The following ATAT1 variants were observed in gnomAD, a reference collection of about 807,000 sequenced individuals.
The protein encoded by ATAT1 is alpha-tubulin N-acetyltransferase 1.
Under a neutral mutation model 57.2 loss-of-function variants are expected in ATAT1, and 42 were observed. The observed-to-expected ratio is 0.73, with a 90% CI of 0.57 to 0.95. The LOEUF is 0.95. Ranked by LOEUF, ATAT1 falls within the 40% of genes least tolerant of loss-of-function variation. ATAT1 has a pLI of 0.00. For missense variants in ATAT1, 454 were observed against 523.7 expected (o/e 0.87, Z 1.30); for synonymous variants, 168 against 187.1 (o/e 0.90, Z 0.83).
chr6:30,628,901 CT>C (rs78380830), intron 6 of ATAT1, among the ~76,000 whole-genome samples: 1,766 of 136,636 alleles, frequency 0.013, 13 homozygotes, highest in African/African-American at 0.027. Context: ...CCGCATCTGA[CT>C]TTTTTTTTTT....
chr6:30,627,070 T>G lies in ATAT1; in HGVS notation c.-134T>G. On this transcript the variant is annotated 5_prime_UTR_variant, in exon 1 of 13. Coordinates refer to ENST00000330083, the MANE Select transcript of ATAT1 (RefSeq NM_001031722.4). ...CTGGTCCAGGCACCACGCCCCCTTC[T>G]CACTGACTAGTGATCGCCCCTTTTG... The G allele has an allele frequency of 6.5e-7, 1 of 1,549,740 alleles. No individual in the cohort carries two copies. Among genetic ancestry groups the G allele is most frequent in the Non-Finnish European group, 8.7e-7 (1 of 1,143,702 alleles).
At chr6:30,630,773 A>G (rs1484855491) in intron 6 of ATAT1, among the ~76,000 whole-genome samples, 1 of 151,982 alleles carries the variant, frequency 6.6e-6, no homozygotes. Context: ...CCCTGTCTCT[A>G]CTAAAAATAT....
Position 30,646,533 on chromosome 6 carries a change from C to G in ATAT1, c.1120C>G (p.Pro374Ala). Residue 374 changes from proline (P) to alanine (A), a missense_variant, in exon 13 of 13, where the codon CCT (proline) becomes GCT (alanine). Physicochemically the swap from Pro to Ala is conservative, Grantham distance 27 (BLOSUM62 -1). Around this residue, in one of 3 missense-constraint regions of ATAT1, gnomAD observed 216 missense variants for 222.2 expected, o/e 0.97. Transcript: ENST00000330083. ...TGGGGAGAAGCCCATGCACACAGCT[C>G]CTCCACAGGCCCCGGCCCCGCCAGC... 6.3e-7 allele frequency: 1 copy of G among 1,591,560 alleles called. No homozygotes were observed. The highest frequency in any genetic ancestry group is 8.6e-7 in the Non-Finnish European group (1 of 1,169,328).
chr6:30,640,501 T>C (rs1765177763), intron 7 of ATAT1, 34 bp from the exon 8 acceptor site: 1 of 1,612,654 alleles, frequency 6.2e-7, no homozygotes, highest in Non-Finnish European at 8.5e-7. Context: ...TGCCGACCCC[T>C]CACTGAGGGG....
At position 30,627,723 on chromosome 6, in the gene ATAT1, C is replaced by A. The variant is rs1275099199; in HGVS notation, c.220C>A (p.Arg74=). 1 of 1,612,418 alleles carries A rather than the reference C, an allele frequency of 6.2e-7. No homozygotes were observed. Among genetic ancestry groups the A allele is most frequent in the Middle Eastern group, 1.7e-4 (1 of 6,060 alleles). The stretch of plus-strand genomic sequence containing the variant: ...TTATATTCTCAAAGACAGTTCAGCC[C>A]GACCGTGAGTGCCACATGCTCTTCC... The change falls in exon 3 of 13, where the codon CGA becomes AGA. Residue 74 remains arginine, a synonymous_variant. Coordinates refer to ENST00000330083, the MANE Select transcript of ATAT1 (RefSeq NM_001031722.4).
rs368761717 is a variant in ATAT1 at position 30,634,275 on chromosome 6, G to A, written c.501+5845G>A. Among the ~76,000 whole-genome samples, 40 of 151,374 alleles carry A rather than the reference G, an allele frequency of 2.6e-4. No individual in the cohort carries two copies. In the East Asian group the frequency reaches 7.2e-3, roughly 27 times the overall value. The stretch of plus-strand genomic sequence containing the variant: ...GGGTCATTTTTTTTTTCTTTGAGAC[G>A]GAGTCTAGCTCTGTCGCCAGGCTCA... On this transcript the variant is annotated intron_variant, in intron 6 of 12. Transcript: ENST00000330083.
At chr6:30,644,169 G>A in intron 10 of ATAT1, 1 of 985,872 alleles carries the variant, frequency 1.0e-6, no homozygotes, top group Non-Finnish European at 1.2e-6. Flanking sequence ...TTTTGTGTAG[G>A]TGTCAGGGAA....
In ATAT1 at chr6:30,627,150, C is replaced by T. The variant is rs1339465672; in HGVS notation, c.-54C>T. On this transcript the variant is annotated 5_prime_UTR_variant, in exon 1 of 13. Transcript: ENST00000330083. ...TGACCCTGGGCCTAGTGGGATTGAT[C>T]AGCGCTTGGATCTGTGACCTTTCAC... 45 of 1,610,116 alleles carry T rather than the reference C, an allele frequency of 2.8e-5. No homozygotes were observed. The highest frequency in any genetic ancestry group is 3.6e-5 in the Non-Finnish European group (42 of 1,178,110).
intron 5 of ATAT1, 73 bp downstream of exon 5, chr6:30,628,218 C>T: frequency 6.5e-7 from 1 of 1,534,692 alleles, no homozygotes; most frequent in Non-Finnish European, 9.0e-7. Context: ...GAAGCCCTGC[C>T]TCCCACCCCC....
At position 30,629,980 on chromosome 6, in the gene ATAT1, T is replaced by C. The variant is rs1762507809; in HGVS notation, c.501+1550T>C. ...ATGCATTCCCTGTCCTCATGGAGCT[T>C]TGGCCTAATATAGGGAAGGAAGTCT... On this transcript the variant is annotated intron_variant, in intron 6 of 12. Coordinates refer to ENST00000330083, the MANE Select transcript of ATAT1 (RefSeq NM_001031722.4). Among the ~76,000 whole-genome samples, 3 of 152,204 alleles carry C rather than the reference T, an allele frequency of 2.0e-5. 1 individual carries two copies. In the South Asian group the frequency reaches 6.2e-4, roughly 31 times the overall value.
At chr6:30,641,333 C>T (rs1014459645) in intron 8 of ATAT1, among the ~76,000 whole-genome samples, 5 of 152,332 alleles carry the variant, frequency 3.3e-5, no homozygotes, top group African/African-American at 1.2e-4. Context: ...GTGTCAGGCA[C>T]TGAGAGGCAC....
rs763881217 is a variant in ATAT1 at position 30,627,654 on chromosome 6, C to T, written c.151C>T (p.Pro51Ser). ...CCTGCAGGCCCAGAATCTTTCCGCT[C>T]CTATCACTAGTGCATCAAGGATGCA... The change falls in exon 3 of 13, where the codon CCT (proline) becomes TCT (serine). Residue 51 changes from proline to serine, a missense_variant. Pro to Ser is a moderately conservative substitution (Grantham distance 74). This residue lies in a region of ATAT1 where 236 missense variants were observed against 284.5 expected (regional missense o/e 0.83). Coordinates refer to ENST00000330083, the MANE Select transcript of ATAT1 (RefSeq NM_001031722.4). 1.2e-6 allele frequency: 2 copies of T among 1,613,034 alleles called. No individual in the cohort carries two copies. The highest frequency in any genetic ancestry group is 2.2e-5 in the South Asian group (2 of 91,080).
At position 30,642,209 on chromosome 6, in the gene ATAT1, A is replaced by G. The variant is rs769242518; in HGVS notation, c.650A>G (p.Glu217Gly). 1.2e-6 allele frequency: 2 copies of G among 1,614,154 alleles called. No homozygotes were observed. The highest frequency in any genetic ancestry group is 2.2e-5 in the South Asian group (2 of 91,084). The change falls in exon 9 of 13, where the codon GAG becomes GGG. Residue 217 changes from glutamate to glycine, a missense_variant. Glu to Gly is a moderately conservative substitution (Grantham distance 98). Around this residue, in one of 3 missense-constraint regions of ATAT1, gnomAD observed 236 missense variants for 284.5 expected, o/e 0.83. Transcript: ENST00000330083. The stretch of plus-strand genomic sequence containing the variant: ...AGGAAGCTGCCACCCAAGAGAGCAG[A>G]GGGAGACATCAAGCCATACTCCTCT...
chr6:30,644,800 T>C (rs533833055), intron 10 of ATAT1: 1 of 240,584 alleles, frequency 4.2e-6, no homozygotes, highest in South Asian at 1.6e-4. Context: ...AGCTCCTGAG[T>C]CTGGTGTCTG....
intron 9 of ATAT1, 70 bp downstream of exon 9, chr6:30,642,317 A>G (rs1765623539): frequency 6.3e-7 from 1 of 1,597,980 alleles, no homozygotes; most frequent in South Asian, 1.1e-5. Context: ...TGCTCAGGGG[A>G]CCCAGGGAAA....
chr6:30,644,421 CTCCTT>C, intron 10 of ATAT1: 3 of 985,922 alleles, frequency 3.0e-6, no homozygotes, highest in Non-Finnish European at 3.6e-6. Flanking sequence ...TCCTTCCTCT[CTCCTT>C]TCCTCCATAG....
intron 12 of ATAT1, 101 bp from the exon 13 acceptor site, chr6:30,646,368 G>A (rs923729362): frequency 4.1e-6 from 6 of 1,449,164 alleles, no homozygotes; most frequent in Non-Finnish European, 5.5e-6. Flanking sequence ...TACCCATCAT[G>A]TGTCCTACAT....
chr6:30,628,338 G>C lies in ATAT1; in HGVS notation c.409G>C (p.Val137Leu), dbSNP rs1465751469. The change falls in exon 6 of 13, where the codon GTG becomes CTG. Residue 137 changes from valine (V) to leucine (L), a missense_variant. Coordinates refer to ENST00000330083, the MANE Select transcript of ATAT1 (RefSeq NM_001031722.4). ...CTCCTTTTCCCTGCAGAAGGAGCGAGTGGAACCGCACCAACTGGCAATTGA... is the reference window on the plus strand; with the variant it reads ...CTCCTTTTCCCTGCAGAAGGAGCGACTGGAACCGCACCAACTGGCAATTGA... The C allele has an allele frequency of 6.2e-7, 1 of 1,612,966 alleles. No homozygotes were observed.
At chr6:30,640,351 T>C (rs772379051) in intron 6 of ATAT1, 26 bp from the exon 7 acceptor site, 4 of 1,611,958 alleles carry the variant, frequency 2.5e-6, no homozygotes, top group Admixed American at 3.3e-5. Context: ...GATGCATGAT[T>C]GTATTTTGTT....
Sources: allele counts gnomAD v4.1 joint callset (sites outside exome capture counted in the v4.1 genomes callset), GRCh38; gene constraint gnomAD v4.1.1; regional missense constraint gnomAD v4.1.1; transcripts MANE v1.5; gene names NCBI Gene and HGNC (gene_info 2026-07-23, HGNC 2026-07-21).